PLD5: variants seen among roughly 807,000 people sequenced by gnomAD.
PLD5 encodes the protein phospholipase D family member 5.
PLD5 carries 36 observed loss-of-function variants against 61.1 expected under a neutral mutation model. That is an observed-to-expected ratio of 0.59 (90% CI 0.45 to 0.78). The LOEUF is 0.78. PLD5 is among the 30% of genes least tolerant of loss of function. The pLI is 0.00. For synonymous variants in PLD5, 243 were observed against 242.8 expected (o/e 1.00, Z -0.01); for missense variants, 515 against 644.4 (o/e 0.80, Z 2.17).
At chr1:242,176,838 T>C (rs1159635852) in intron 5 of PLD5, among the ~76,000 whole-genome samples, 1 of 152,206 alleles carries the variant, frequency 6.6e-6, no homozygotes, top group Non-Finnish European at 1.5e-5. Flanking sequence ...TTATCATCAC[T>C]GGTCATCAAA....
At chr1:242,287,087 T>C (rs1675069029) in intron 3 of PLD5, among the ~76,000 whole-genome samples, 1 of 152,112 alleles carries the variant, frequency 6.6e-6, no homozygotes, top group African/African-American at 2.4e-5. Context: ...ATTCCAGAGC[T>C]CTTTGCCTTC....
At chr1:242,461,119 T>A (rs1262638375) in intron 1 of PLD5, among the ~76,000 whole-genome samples, 1 of 152,144 alleles carries the variant, frequency 6.6e-6, no homozygotes, top group Non-Finnish European at 1.5e-5. Context: ...CCAGCCTGGG[T>A]GACAGAGGGA....
intron 4 of PLD5, among the ~76,000 whole-genome samples, chr1:242,263,440 C>T (rs1487812827): frequency 6.6e-6 from 1 of 150,842 alleles, no homozygotes; most frequent in Non-Finnish European, 1.5e-5. Flanking sequence ...CTAAAATGCA[C>T]TGTGATCATT....
At position 242,361,826 on chromosome 1, in the gene PLD5, C is replaced by T. The variant is rs1019871509; in HGVS notation, c.190-13584G>A. On this transcript the variant is annotated intron_variant, in intron 1 of 9. Coordinates refer to ENST00000536534, the MANE Select transcript of PLD5 (RefSeq NM_001372062.1). ...CAAGCTAAGCTTTTATATCATTGAACGAGCTCTTAAAAGGAATTTGCACCT... is the reference window on the plus strand; with the variant it reads ...CAAGCTAAGCTTTTATATCATTGAATGAGCTCTTAAAAGGAATTTGCACCT... 5.9e-5 allele frequency among the ~76,000 whole-genome samples: 9 copies of T among 152,018 alleles called. No homozygotes were observed. The East Asian group carries it at 9.6e-4, about 16-fold the overall frequency.
At chr1:242,458,762 T>C (rs1391359309) in intron 1 of PLD5, among the ~76,000 whole-genome samples, 1 of 152,244 alleles carries the variant, frequency 6.6e-6, no homozygotes, top group Non-Finnish European at 1.5e-5. Context: ...TTGTATTGAC[T>C]CATCCTTTAA....
In PLD5 at chr1:242,100,799, A is replaced by AG. The variant is rs1558219674; in HGVS notation, c.1240-18_1240-17insC. On this transcript the variant is annotated splice_polypyrimidine_tract_variant and intron_variant, in intron 8 of 9. Coordinates refer to ENST00000536534, the MANE Select transcript of PLD5 (RefSeq NM_001372062.1). ...AAAAAATTTCTGTAAGAAAAAAAAAAAGGGGGCAGGTAAATAAGAGGAACG... is the reference window on the plus strand; with the variant it reads ...AAAAAATTTCTGTAAGAAAAAAAAAAGAGGGGGCAGGTAAATAAGAGGAACG... 3 of 1,551,158 alleles carry AG rather than the reference A, an allele frequency of 1.9e-6. No homozygotes were observed. Among genetic ancestry groups the AG allele is most frequent in the Admixed American group, 3.4e-5 (2 of 58,988 alleles).
At chr1:242,253,547 T>C (rs1672838492) in intron 4 of PLD5, among the ~76,000 whole-genome samples, 1 of 151,820 alleles carries the variant, frequency 6.6e-6, no homozygotes, top group Non-Finnish European at 1.5e-5. Flanking sequence ...TCTCCTGACC[T>C]CGTGATCTGC....
chr1:242,268,516 T>C (rs1317558061), intron 3 of PLD5, among the ~76,000 whole-genome samples: 1 of 152,174 alleles, frequency 6.6e-6, no homozygotes, highest in Non-Finnish European at 1.5e-5. Context: ...TGAATGAAAA[T>C]AGAAATTCCA....
intron 6 of PLD5, 92 bp downstream of exon 6, chr1:242,124,376 G>A: frequency 8.1e-7 from 1 of 1,235,792 alleles, no homozygotes; most frequent in Non-Finnish European, 1.1e-6. Context: ...ATTCATTTTT[G>A]CCCAATACAA....
At chr1:242,408,361 C>T (rs1327550532) in intron 1 of PLD5, among the ~76,000 whole-genome samples, 1 of 152,062 alleles carries the variant, frequency 6.6e-6, no homozygotes, top group East Asian at 1.9e-4. Context: ...GAGGTTTGTC[C>T]CCTCCAAATC....
chr1:242,463,182 T>G (rs531430736), intron 1 of PLD5, among the ~76,000 whole-genome samples: 1 of 152,202 alleles, frequency 6.6e-6, no homozygotes, highest in African/African-American at 2.4e-5. Flanking sequence ...GGCAATCCAT[T>G]GATCACAGTG....
At chr1:242,449,240 G>A in intron 1 of PLD5, 1 of 1,341,514 alleles carries the variant, frequency 7.5e-7, no homozygotes, top group Non-Finnish European at 1.0e-6. Flanking sequence ...CAGTGCCTCA[G>A]AGCTCAAGTG....
intron 6 of PLD5, 86 bp from the exon 7 acceptor site, chr1:242,114,112 G>A: frequency 6.9e-7 from 1 of 1,440,116 alleles, no homozygotes; most frequent in Non-Finnish European, 9.4e-7. Flanking sequence ...CACGGACCTT[G>A]GCTTGTAACT....
intron 3 of PLD5, among the ~76,000 whole-genome samples, 175 bp from the exon 4 acceptor site, chr1:242,265,623 GAGT>G (rs200006564): frequency 0.017 from 2,613 of 152,312 alleles, 31 homozygotes; most frequent in Non-Finnish European, 0.029. Flanking sequence ...TATATCAATA[GAGT>G]AGTAGCATGA....
chr1:242,176,237 C>A (rs998705667), intron 5 of PLD5, among the ~76,000 whole-genome samples: 1 of 151,996 alleles, frequency 6.6e-6, no homozygotes, highest in Non-Finnish European at 1.5e-5. Flanking sequence ...CCAAAACAGA[C>A]ATATAGAACA....
intron 1 of PLD5, among the ~76,000 whole-genome samples, chr1:242,491,528 CA>C (rs1428740727): frequency 2.6e-5 from 4 of 151,996 alleles, no homozygotes; most frequent in Non-Finnish European, 5.9e-5. Context: ...AGTAGAAAAA[CA>C]AAAAATAGTA....
intron 1 of PLD5, among the ~76,000 whole-genome samples, chr1:242,427,745 A>G (rs1321407088): frequency 6.6e-6 from 1 of 152,240 alleles, no homozygotes; most frequent in Non-Finnish European, 1.5e-5. Flanking sequence ...TGGCACCAAC[A>G]GACAGCAGAG....
intron 1 of PLD5, among the ~76,000 whole-genome samples, chr1:242,349,035 C>T (rs1660320954): frequency 6.6e-6 from 1 of 152,136 alleles, no homozygotes; most frequent in Admixed American, 6.5e-5. Flanking sequence ...GCCTGGGTGA[C>T]AGAGCGAGAC....
chr1:242,257,203 A>G (rs894925550), intron 4 of PLD5, among the ~76,000 whole-genome samples: 6 of 152,306 alleles, frequency 3.9e-5, no homozygotes, highest in African/African-American at 9.6e-5. Context: ...TTCTTGACAC[A>G]TGAATGCTCT....
Sources: gnomAD v4.1 joint callset for allele counts (sites outside exome capture counted in the v4.1 genomes callset) on GRCh38, gnomAD v4.1.1 for gene constraint, MANE v1.5 for transcripts, NCBI Gene and HGNC (gene_info 2026-07-23, HGNC 2026-07-21) for gene names.